Variants in PSME4 observed in about 807,000 individuals in gnomAD.
The protein encoded by PSME4 is proteasome activator subunit 4, also known as proteasome activator complex subunit 4.
In PSME4, 89 loss-of-function variants were observed where a neutral mutation model predicts 253.9. That is an observed-to-expected ratio of 0.35 (90% confidence interval 0.30 to 0.42). The LOEUF is 0.42. PSME4 is among the 10% of genes least tolerant of loss of function. The probability of loss-of-function intolerance (pLI) is 1.00; values close to 1 mark genes in which losing one functional copy is unlikely to be tolerated. For synonymous variants in PSME4, 851 were observed against 759.2 expected (o/e 1.12, Z -1.99); for missense variants, 2,014 against 2,195.2 (o/e 0.92, Z 1.65).
At chr2:53,941,668 G>A (rs1355676533) in intron 3 of PSME4, among the ~76,000 whole-genome samples, 2 of 152,008 alleles carry the variant, frequency 1.3e-5, no homozygotes, top group Non-Finnish European at 2.9e-5. Flanking sequence ...AACAGCTAAG[G>A]TTTAAAGAGT....
intron 41 of PSME4, among the ~76,000 whole-genome samples, chr2:53,879,303 A>G (rs1679274144): frequency 6.6e-6 from 1 of 152,216 alleles, no homozygotes; most frequent in South Asian, 2.1e-4. Flanking sequence ...GTGTCTGGTT[A>G]AATAAACTGT....
At chr2:53,894,016 G>C (rs115138369) in intron 34 of PSME4, among the ~76,000 whole-genome samples, 1 of 152,088 alleles carries the variant, frequency 6.6e-6, no homozygotes, top group Non-Finnish European at 1.5e-5. Context: ...TCTCAAGTTT[G>C]AATCCTATTT....
intron 46 of PSME4, chr2:53,865,782 A>G (rs1192082198): frequency 3.8e-6 from 1 of 262,296 alleles, no homozygotes; most frequent in Non-Finnish European, 7.2e-6. Flanking sequence ...AGCCCCACCC[A>G]GGAGGCAACC....
chr2:53,940,888 C>A (rs896424293), intron 3 of PSME4, among the ~76,000 whole-genome samples: 1 of 130,454 alleles, frequency 7.7e-6, no homozygotes, highest in African/African-American at 2.8e-5. Context: ...ATATATAATA[C>A]ATATTTAAAT....
intron 36 of PSME4, among the ~76,000 whole-genome samples, chr2:53,891,858 C>CAAA (rs76144333): frequency 8.6e-6 from 1 of 116,874 alleles, no homozygotes; most frequent in Non-Finnish European, 1.8e-5. Flanking sequence ...TAAGACTGTC[C>CAAA]AAAAAAAAAA....
chr2:53,949,199 T>G lies in PSME4; in HGVS notation c.327A>C (p.Pro109=), dbSNP rs373001033. 28 of 1,612,024 alleles carry G rather than the reference T, an allele frequency of 1.7e-5. No individual in the cohort carries two copies. In the African/African-American group the frequency reaches 3.5e-4, roughly 20 times the overall value. ...IKLLYELVSI[P]KLEISMMQGF... is the part of the protein sequence containing the mutation. ...CCTGCATCATGCTGATTTCCAGTTT[T>G]GGAATTGATACCAGCTCATACAATA... The change falls in exon 2 of 47, where the codon CCA becomes CCC. Residue 109 remains proline (P), a synonymous_variant. Transcript: ENST00000404125.
intron 17 of PSME4, among the ~76,000 whole-genome samples, chr2:53,921,766 G>A (rs1218887535): frequency 8.5e-5 from 12 of 141,820 alleles, no homozygotes; most frequent in African/African-American, 3.1e-4. Flanking sequence ...TACTTGGGAG[G>A]CTGAGGCAGG....
intron 17 of PSME4, among the ~76,000 whole-genome samples, chr2:53,921,581 G>C (rs1668317332): frequency 6.9e-6 from 1 of 145,498 alleles, no homozygotes; most frequent in African/African-American, 2.5e-5. Flanking sequence ...AAAGAAAACT[G>C]AAGTTGGCCG....
At chr2:53,917,030 G>C (rs1668091729) in intron 20 of PSME4, among the ~76,000 whole-genome samples, 1 of 145,880 alleles carries the variant, frequency 6.9e-6, no homozygotes, top group African/African-American at 2.5e-5. Context: ...AAAAATTGAA[G>C]TTTTATTGTT....
intron 1 of PSME4, among the ~76,000 whole-genome samples, chr2:53,964,855 T>G (rs188156106): frequency 6.6e-6 from 1 of 152,226 alleles, no homozygotes; most frequent in Non-Finnish European, 1.5e-5. Flanking sequence ...TGGTTTCAAC[T>G]GGGATAATCA....
At position 53,970,575 on chromosome 2, in the gene PSME4, G is replaced by A. The variant is rs534509598; in HGVS notation, c.210C>T (p.Pro70=). Residue 70 remains proline (P), a synonymous_variant, in exon 1 of 47, where the codon CCC becomes CCT. Coordinates refer to ENST00000404125, the MANE Select transcript of PSME4 (RefSeq NM_014614.3). Reference sequence around the variant, plus strand: ...GTTTCCTGGTCCAGAAGAGGCCCCCGGGCCACAGCTCTTGGAGCTGCACGG... The same window carrying A: ...GTTTCCTGGTCCAGAAGAGGCCCCCAGGCCACAGCTCTTGGAGCTGCACGG... ...GRAVQLQELW[P]GGLFWTRKLS... 3.2e-6 allele frequency: 5 copies of A among 1,547,752 alleles called. No homozygotes were observed. In the South Asian group the frequency reaches 6.0e-5, roughly 18 times the overall value.
At chr2:53,914,745 G>C (rs1017786651) in intron 20 of PSME4, among the ~76,000 whole-genome samples, 1 of 152,256 alleles carries the variant, frequency 6.6e-6, no homozygotes, top group East Asian at 1.9e-4. Context: ...GCCGGGCATG[G>C]TGGCACACGC....
Position 53,870,436 on chromosome 2 carries a change from C to T in PSME4, c.5101-898G>A, listed in dbSNP as rs570537966. ...TCACCCAGGCTGGAGTGCAGTGGCG[C>T]AGTCTCGGCTCACTGCAAGCTTTGC... On this transcript the variant is annotated intron_variant, in intron 43 of 46. Coordinates refer to ENST00000404125, the MANE Select transcript of PSME4 (RefSeq NM_014614.3). The T allele has an allele frequency of 4.8e-5, 7 of 146,764 alleles. No individual in the cohort carries two copies. The South Asian group carries it at 1.5e-3, about 31-fold the overall frequency. 9.1% of individuals were successfully genotyped at this position (146,764 alleles called of 1,614,324 possible).
At chr2:53,866,637 C>G in intron 45 of PSME4, 110 bp downstream of exon 45, 7 of 1,199,394 alleles carry the variant, frequency 5.8e-6, no homozygotes, top group Non-Finnish European at 8.0e-6. Context: ...TTGGCAGAGG[C>G]AGCAGCTTTA....
intron 6 of PSME4, 110 bp downstream of exon 6, chr2:53,936,654 G>C (rs934716052): frequency 1.4e-5 from 10 of 733,742 alleles, no homozygotes; most frequent in Admixed American, 3.3e-5. Flanking sequence ...GGAACTTCAA[G>C]TTACTTACCA....
At chr2:53,896,743 G>T in intron 32 of PSME4, 61 bp downstream of exon 32, 1 of 1,312,100 alleles carries the variant, frequency 7.6e-7, no homozygotes, top group Non-Finnish European at 1.1e-6. Flanking sequence ...ATTTATACAT[G>T]TCAAGAAAAT....
chr2:53,897,821 C>A (rs1205523840), intron 31 of PSME4, 49 bp downstream of exon 31: 3 of 1,574,690 alleles, frequency 1.9e-6, no homozygotes, highest in South Asian at 2.2e-5. Context: ...GACTTCAGGT[C>A]ACGTACATAT....
At chr2:53,905,164 G>C (rs1363475081) in intron 26 of PSME4, among the ~76,000 whole-genome samples, 1 of 151,122 alleles carries the variant, frequency 6.6e-6, no homozygotes, top group Non-Finnish European at 1.5e-5. Context: ...CGTGTAGCTG[G>C]GACTATAGGC....
chr2:53,923,709 C>T (rs1668428217), intron 14 of PSME4, among the ~76,000 whole-genome samples: 1 of 151,804 alleles, frequency 6.6e-6, no homozygotes, highest in African/African-American at 2.4e-5. Context: ...CATCACTTGA[C>T]ATCAGGAGCT....
Sources: gnomAD v4.1 joint callset for allele counts (sites outside exome capture counted in the v4.1 genomes callset) on GRCh38, gnomAD v4.1.1 for gene constraint, MANE v1.5 for transcripts, NCBI Gene and HGNC (gene_info 2026-07-23, HGNC 2026-07-21) for gene names.